Variants in WNK1 observed in about 807,000 individuals in gnomAD.
The protein encoded by WNK1 is serine/threonine-protein kinase WNK1.
In WNK1, 38 loss-of-function variants were observed where a neutral mutation model predicts 222.8. The observed-to-expected ratio is 0.17, with a 90% confidence interval of 0.13 to 0.22. WNK1 has a LOEUF of 0.22. Among genes scored for constraint, WNK1 ranks in the 10% least tolerant of loss-of-function variants. The pLI, the probability that WNK1 is intolerant of heterozygous loss-of-function variation, is 1.00. For synonymous variants in WNK1, 1,090 were observed against 1,092.9 expected, an observed-to-expected ratio of 1.00 and a Z score of 0.05; for missense variants, 2,348 against 2,918.4, an observed-to-expected ratio of 0.80 and a Z score of 4.50.
chr12:776,556 G>A (rs1591645819), intron 1 of WNK1, among the ~76,000 whole-genome samples: 1 of 151,582 alleles, frequency 6.6e-6, no homozygotes, highest in South Asian at 2.1e-4. Context: ...TCAGCCTCCC[G>A]AGTAGCTGGG....
At position 814,961 on chromosome 12, in the gene WNK1, C is replaced by T. The variant is rs143077047; in HGVS notation, c.932+1147C>T. On this transcript the variant is annotated intron_variant, in intron 2 of 27. Transcript: ENST00000315939. ...ATCATCAGGCATTAGATTCTCATAA[C>T]GAACGCTCAACCTAGATCCCTTGCA... Among the ~76,000 whole-genome samples the T allele has an allele frequency of 3.9e-3, 588 of 152,254 alleles. 5 individuals carry two copies. Among genetic ancestry groups the T allele is most frequent in the African/African-American group, 0.013 (543 of 41,526 alleles).
intron 1 of WNK1, 70 bp downstream of exon 1, chr12:754,394 G>C: frequency 6.3e-7 from 1 of 1,595,066 alleles, no homozygotes; most frequent in Non-Finnish European, 8.6e-7. Flanking sequence ...CCAGTTGATC[G>C]AGTTCACCCT....
At chr12:889,321 C>A (rs1953977213) in intron 21 of WNK1, 98 bp downstream of exon 21, 2 of 1,042,582 alleles carry the variant, frequency 1.9e-6, no homozygotes, top group Admixed American at 1.7e-5. Flanking sequence ...ATACCTTTAA[C>A]ATGTATTCAG....
intron 9 of WNK1, among the ~76,000 whole-genome samples, chr12:874,013 A>G (rs1172406472): frequency 6.6e-6 from 1 of 151,980 alleles, no homozygotes; most frequent in East Asian, 1.9e-4. Flanking sequence ...CCACAAACAA[A>G]GTTGTGAACT....
intron 1 of WNK1, among the ~76,000 whole-genome samples, chr12:810,258 A>G (rs1482460473): frequency 1.3e-5 from 2 of 151,930 alleles, no homozygotes; most frequent in Non-Finnish European, 2.9e-5. Flanking sequence ...AAAAAAAAAA[A>G]GGTGAAATAG....
chr12:836,870 A>G (rs1225363726), intron 4 of WNK1, among the ~76,000 whole-genome samples: 1 of 152,156 alleles, frequency 6.6e-6, no homozygotes, highest in African/African-American at 2.4e-5. Context: ...GCATGGCATA[A>G]CGTGCCAAGT....
At chr12:905,430 A>G (rs1955610986) in intron 26 of WNK1, among the ~76,000 whole-genome samples, 1 of 152,114 alleles carries the variant, frequency 6.6e-6, no homozygotes, top group Non-Finnish European at 1.5e-5. Context: ...TTTCGTTCTA[A>G]AGGGGCCTCG....
At chr12:850,254 G>A (rs1408862529) in intron 4 of WNK1, among the ~76,000 whole-genome samples, 4 of 151,822 alleles carry the variant, frequency 2.6e-5, no homozygotes, top group African/African-American at 2.4e-5. Context: ...TTTAATGATC[G>A]CCATTCTAAC....
chr12:757,499 G>A (rs1042897744), intron 1 of WNK1, among the ~76,000 whole-genome samples: 3 of 151,492 alleles, frequency 2.0e-5, no homozygotes, highest in Non-Finnish European at 4.4e-5. Flanking sequence ...CTAATTACAA[G>A]CATCAATTCT....
chr12:809,377 A>G (rs1383233967), intron 1 of WNK1, among the ~76,000 whole-genome samples: 5 of 151,428 alleles, frequency 3.3e-5, no homozygotes, highest in Non-Finnish European at 5.9e-5. Context: ...CTTTTCACCC[A>G]TTGAGGAAAG....
At chr12:862,045 C>G in intron 7 of WNK1, 38 bp from the exon 8 acceptor site, 1 of 1,609,644 alleles carries the variant, frequency 6.2e-7, no homozygotes, top group Non-Finnish European at 8.5e-7. Context: ...ATTTGTCTTT[C>G]TCTCTCTCTT....
intron 8 of WNK1, among the ~76,000 whole-genome samples, chr12:866,737 C>T (rs895615971): frequency 6.6e-6 from 1 of 152,114 alleles, no homozygotes; most frequent in Non-Finnish European, 1.5e-5. Flanking sequence ...TCTAGAACTG[C>T]TTCTAGAATA....
At chr12:866,488 G>A (rs34626063) in intron 8 of WNK1, among the ~76,000 whole-genome samples, 18,392 of 151,898 alleles carry the variant, frequency 0.12, 1,332 homozygotes, top group Middle Eastern at 0.18. Context: ...TCAGCCTCCC[G>A]AGTAGCTAGG....
intron 26 of WNK1, among the ~76,000 whole-genome samples, chr12:905,892 A>G (rs989820298): frequency 6.6e-6 from 1 of 152,176 alleles, no homozygotes. Flanking sequence ...CTCACACTGC[A>G]GTAGTTCCGT....
chr12:857,143 T>C lies in WNK1; in HGVS notation c.1312-18T>C. On this transcript the variant is annotated intron_variant, in intron 4 of 27. Transcript: ENST00000315939. Reference sequence around the variant, plus strand: ...AAGGCCCTGCTTTTATTAATGTATTTCTGTTTATGGTTTTCAGGGGGTGAA... The same window carrying C: ...AAGGCCCTGCTTTTATTAATGTATTCCTGTTTATGGTTTTCAGGGGGTGAA... 1 of 1,612,612 alleles carries C rather than the reference T, an allele frequency of 6.2e-7. No homozygotes were observed. Among genetic ancestry groups the C allele is most frequent in the East Asian group, 2.2e-5 (1 of 44,856 alleles).
chr12:886,023 C>G lies in WNK1; in HGVS notation c.5219C>G (p.Thr1740Ser). The G allele has an allele frequency of 1.9e-6, 3 of 1,598,154 alleles. No homozygotes were observed. The highest frequency in any genetic ancestry group is 1.7e-6 in the Non-Finnish European group (2 of 1,174,706). The stretch of plus-strand genomic sequence containing the variant: ...GGGCAAGTTTCTACCCCAGTCAGCA[C>G]TACTACATCAGGAGTGAAACCTGGA... ...TPGQVSTPVS[T>S]TTSGVKPGTA... Residue 1740 changes from threonine to serine, a missense_variant, in exon 19 of 28, where the codon ACT becomes AGT. Thr to Ser is a moderately conservative substitution (Grantham distance 58, BLOSUM62 1). Coordinates refer to ENST00000315939, the MANE Select transcript of WNK1 (RefSeq NM_018979.4).
In WNK1 at chr12:885,158, A is replaced by C. The variant is rs142543401; in HGVS notation, c.4354A>C (p.Thr1452Pro). Residue 1452 changes from threonine to proline, a missense_variant, in exon 19 of 28, where the codon ACA becomes CCA. Physicochemically the swap from Thr to Pro is conservative, Grantham distance 38. Transcript: ENST00000315939. ...TAGTACAGCACTGTATCCTTCAGTAACAGTTTCAGCAACTTCAGCCTCTGC... is the reference window on the plus strand; with the variant it reads ...TAGTACAGCACTGTATCCTTCAGTACCAGTTTCAGCAACTTCAGCCTCTGC... ...VSSTALYPSVTVSATSASAGG... is the reference protein window; with the variant it reads ...VSSTALYPSVPVSATSASAGG... 3 of 1,614,112 alleles carry C rather than the reference A, an allele frequency of 1.9e-6. No individual in the cohort carries two copies. Among genetic ancestry groups the C allele is most frequent in the Non-Finnish European group, 1.7e-6 (2 of 1,179,988 alleles).
chr12:900,778 C>G, intron 26 of WNK1, 108 bp downstream of exon 26: 1 of 1,315,788 alleles, frequency 7.6e-7, no homozygotes, highest in Non-Finnish European at 1.1e-6. Flanking sequence ...CAGAACACAG[C>G]CTGTGTGTTG....
At chr12:882,605 T>C (rs776417708) in intron 14 of WNK1, among the ~76,000 whole-genome samples, 12 of 152,352 alleles carry the variant, frequency 7.9e-5, no homozygotes, top group Non-Finnish European at 1.8e-4. Flanking sequence ...GCAGTTAATA[T>C]CATTTAAATA....
Sources: allele counts gnomAD v4.1 joint callset (sites outside exome capture counted in the v4.1 genomes callset), GRCh38; gene constraint gnomAD v4.1.1; transcripts MANE v1.5; gene names NCBI Gene and HGNC (gene_info 2026-07-23, HGNC 2026-07-21).